Variants in SHCBP1 observed in about 807,000 individuals in gnomAD.
SHCBP1 encodes the protein SHC binding and spindle associated 1.
Under a neutral mutation model 75.1 loss-of-function variants are expected in SHCBP1, and 60 were observed. That is an observed-to-expected ratio of 0.80 (90% CI 0.65 to 0.99). The LOEUF (loss-of-function observed/expected upper bound fraction) is 0.99, where lower values mean the gene tolerates loss of function less well. Ranked by LOEUF, SHCBP1 falls within the 50% of genes least tolerant of loss-of-function variation. The probability of loss-of-function intolerance (pLI) is 0.00; values close to 1 mark genes in which losing one functional copy is unlikely to be tolerated. For synonymous variants in SHCBP1, 290 were observed against 293.2 expected, an observed-to-expected ratio of 0.99 and a Z score of 0.11; for missense variants, 709 against 809.4, an observed-to-expected ratio of 0.88 and a Z score of 1.50.
intron 7 of SHCBP1, 106 bp from the exon 8 acceptor site, chr16:46,603,765 C>T: frequency 6.8e-7 from 1 of 1,464,982 alleles, no homozygotes; most frequent in Non-Finnish European, 9.4e-7. Context: ...AAGCCAAAAA[C>T]TGCATATTGA....
intron 9 of SHCBP1, among the ~76,000 whole-genome samples, 196 bp from the exon 10 acceptor site, chr16:46,595,866 C>T (rs1199996694): frequency 1.3e-5 from 2 of 151,978 alleles, no homozygotes; most frequent in Non-Finnish European, 2.9e-5. Context: ...CTAAAAGCAA[C>T]ATTCTTTAAA....
chr16:46,582,030 G>C lies in SHCBP1; in HGVS notation c.1718C>G (p.Thr573Arg). The C allele has an allele frequency of 6.2e-7, 1 of 1,606,490 alleles. No homozygotes were observed. ...TTCAGCCACATCTGGCTCTCCACTT[G>C]TCTGAATTTTAAGCGCTTTATTTTC... is the stretch of plus-strand genomic sequence containing the variant. ...TEENKALKIQ[T>R]SGEPDVAERV... Residue 573 changes from threonine to arginine, a missense_variant, in exon 13 of 13, where the codon ACA (threonine) becomes AGA (arginine). Transcript: ENST00000303383.
rs1458833215 is a variant in SHCBP1 at position 46,603,669 on chromosome 16, A to G, written c.1093-10T>C. On this transcript the variant is annotated splice_polypyrimidine_tract_variant and intron_variant, in intron 7 of 12. Coordinates refer to ENST00000303383, the MANE Select transcript of SHCBP1 (RefSeq NM_024745.5). ...ATGGATCACTATGGAACTAGAAAAC[A>G]ATAAGAACACATTTGTAAATATACA... 1 of 1,614,100 alleles carries G rather than the reference A, an allele frequency of 6.2e-7. No individual in the cohort carries two copies. The highest frequency in any genetic ancestry group is 2.2e-5 in the East Asian group (1 of 44,884).
intron 9 of SHCBP1, among the ~76,000 whole-genome samples, chr16:46,596,080 C>T (rs1398688715): frequency 6.6e-6 from 1 of 152,054 alleles, no homozygotes; most frequent in African/African-American, 2.4e-5. Context: ...CAGACCACAA[C>T]ACTGGAAAGT....
intron 2 of SHCBP1, among the ~76,000 whole-genome samples, chr16:46,617,989 C>T (rs570849537): frequency 6.6e-6 from 1 of 152,130 alleles, no homozygotes; most frequent in Non-Finnish European, 1.5e-5. Flanking sequence ...ACCAGCCTGA[C>T]GAAAATGGAG....
chr16:46,587,946 G>C (rs1964978867), intron 10 of SHCBP1, among the ~76,000 whole-genome samples: 1 of 152,244 alleles, frequency 6.6e-6, no homozygotes, highest in East Asian at 1.9e-4. Flanking sequence ...TAAAAGAACA[G>C]AAATTATAAC....
chr16:46,615,081 G>A (rs906199807), intron 4 of SHCBP1, among the ~76,000 whole-genome samples: 1 of 152,090 alleles, frequency 6.6e-6, no homozygotes, highest in African/African-American at 2.4e-5. Context: ...TCCTCCTCTG[G>A]TGAAGATGAT....
rs566080333 is a variant in SHCBP1 at position 46,616,849 on chromosome 16, A to C, written c.388-695T>G. Among the ~76,000 whole-genome samples, 1 of 152,164 alleles carries C rather than the reference A, an allele frequency of 6.6e-6. No individual in the cohort carries two copies. Among genetic ancestry groups the C allele is most frequent in the Non-Finnish European group, 1.5e-5 (1 of 68,030 alleles). On this transcript the variant is annotated intron_variant, in intron 3 of 12. Transcript: ENST00000303383. This position sits in a 1 kb window ranked among gnomAD's most constrained non-coding sequence, Gnocchi z 4.4. ...ATCATAACCAAATGAATAGGCCTGA[A>C]CTTCAACCAAAAAATATTAGCACAA...
intron 10 of SHCBP1, among the ~76,000 whole-genome samples, chr16:46,588,083 G>T (rs928322409): frequency 6.6e-6 from 1 of 152,104 alleles, no homozygotes; most frequent in Non-Finnish European, 1.5e-5. Context: ...GGTACATAAC[G>T]AAATGAAGGC....
intron 2 of SHCBP1, among the ~76,000 whole-genome samples, 170 bp downstream of exon 2, chr16:46,618,035 G>C (rs535064045): frequency 3.9e-5 from 6 of 152,180 alleles, no homozygotes; most frequent in African/African-American, 1.4e-4. Flanking sequence ...AAATTATCTG[G>C]TGGTATGGCG....
chr16:46,613,760 C>A (rs1965454150), intron 4 of SHCBP1, among the ~76,000 whole-genome samples: 1 of 152,228 alleles, frequency 6.6e-6, no homozygotes, highest in Non-Finnish European at 1.5e-5. Context: ...CACCTTTAGA[C>A]TGACAGCTCC....
chr16:46,580,095 A>C lies in SHCBP1; in HGVS notation c.*1634T>G, dbSNP rs1183397894. 1.3e-5 allele frequency among the ~76,000 whole-genome samples: 2 copies of C among 151,450 alleles called. No individual in the cohort carries two copies. Among genetic ancestry groups the C allele is most frequent in the African/African-American group, 2.4e-5 (1 of 41,212 alleles). ...AGCCGAGATAGTGCCACTGCACTCC[A>C]GCCTGGGTGACAGAGCAAGACTCCA... On this transcript the variant is annotated 3_prime_UTR_variant, in exon 13 of 13. Coordinates refer to ENST00000303383, the MANE Select transcript of SHCBP1 (RefSeq NM_024745.5).
At position 46,592,302 on chromosome 16, in the gene SHCBP1, T is replaced by A. The variant is rs200169995; in HGVS notation, c.1464+3250A>T. ...ATATACCCTGCAGATATCAGAAGAA[T>A]AAGGAAATACTACAAACAATTCTAT... On this transcript the variant is annotated intron_variant, in intron 10 of 12. Transcript: ENST00000303383. Among the ~76,000 whole-genome samples the A allele has an allele frequency of 2.2e-3, 330 of 152,126 alleles. 6 individuals are homozygous for A. In the East Asian group the frequency reaches 0.054, roughly 25 times the overall value.
At position 46,579,378 on chromosome 16, in the gene SHCBP1, CATT is replaced by C. The variant is rs376219820; in HGVS notation, c.*2348_*2350del. 3.8e-3 allele frequency among the ~76,000 whole-genome samples: 583 copies of C among 152,158 alleles called. 4 individuals carry two copies. Among genetic ancestry groups the C allele is most frequent in the African/African-American group, 0.013 (560 of 41,506 alleles). ...TAAATAAGAACAAAGTAGGCCTACT[CATT>C]ATAATGAATCATGTGAATAAAAATT... On this transcript the variant is annotated 3_prime_UTR_variant, in exon 13 of 13. Transcript: ENST00000303383.
intron 5 of SHCBP1, among the ~76,000 whole-genome samples, chr16:46,606,885 A>T (rs868494294): frequency 1.3e-5 from 2 of 152,016 alleles, no homozygotes; most frequent in African/African-American, 4.8e-5. Flanking sequence ...CAGTGGTTCA[A>T]TCACAGCTCA....
chr16:46,600,084 T>C (rs1032372625), intron 8 of SHCBP1, 122 bp from the exon 9 acceptor site: 9 of 1,132,730 alleles, frequency 7.9e-6, no homozygotes, highest in East Asian at 2.6e-5. Flanking sequence ...GTCAACCATG[T>C]TGCATTTAAA....
intron 9 of SHCBP1, 54 bp downstream of exon 9, chr16:46,599,777 C>A (rs778601660): frequency 4.1e-6 from 6 of 1,473,710 alleles, no homozygotes; most frequent in Non-Finnish European, 5.4e-6. Context: ...ATAGAGAGAA[C>A]CGTTTACCTT....
At chr16:46,596,981 G>A (rs925272334) in intron 9 of SHCBP1, among the ~76,000 whole-genome samples, 4 of 152,224 alleles carry the variant, frequency 2.6e-5, no homozygotes, top group African/African-American at 9.6e-5. Context: ...ACCCTCCTCG[G>A]CTGCCCAAAG....
chr16:46,614,186 G>A (rs1965460726), intron 4 of SHCBP1, among the ~76,000 whole-genome samples: 1 of 152,060 alleles, frequency 6.6e-6, no homozygotes, highest in African/African-American at 2.4e-5. Context: ...AGGGTTAAAT[G>A]TTCTTGCATA....
Sources: allele counts gnomAD v4.1 joint callset (sites outside exome capture counted in the v4.1 genomes callset), GRCh38; gene constraint gnomAD v4.1.1; non-coding constraint Gnocchi (gnomAD v3.1); transcripts MANE v1.5; gene names NCBI Gene and HGNC (gene_info 2026-07-23, HGNC 2026-07-21).